ANKHD1: variants seen among roughly 807,000 people sequenced by gnomAD.
ANKHD1 encodes ankyrin repeat and KH domain containing 1, also known as ankyrin repeat and KH domain-containing protein 1.
ANKHD1 carries 31 observed loss-of-function variants against 230.5 expected under a neutral mutation model. The observed-to-expected ratio is 0.13, with a 90% CI of 0.10 to 0.18. The LOEUF (loss-of-function observed/expected upper bound fraction) is 0.18, where lower values mean the gene tolerates loss of function less well. Ranked by LOEUF, ANKHD1 falls within the 10% of genes least tolerant of loss-of-function variation. ANKHD1 has a pLI of 1.00. For missense variants in ANKHD1, 2,256 were observed against 3,071.3 expected (o/e 0.73, Z 6.27); for synonymous variants, 1,074 against 1,117.6 (o/e 0.96, Z 0.78).
chr5:140,456,569 C>T (rs1775209878), intron 7 of ANKHD1, among the ~76,000 whole-genome samples: 1 of 152,152 alleles, frequency 6.6e-6, no homozygotes, highest in African/African-American at 2.4e-5. Flanking sequence ...CATCTACAAC[C>T]ATCTGATCTT....
intron 15 of ANKHD1, among the ~76,000 whole-genome samples, chr5:140,502,480 C>G (rs1201297875): frequency 6.6e-6 from 1 of 152,150 alleles, no homozygotes; most frequent in Non-Finnish European, 1.5e-5. Context: ...TGGCATAGCA[C>G]TCTAATCAAC....
intron 14 of ANKHD1, among the ~76,000 whole-genome samples, chr5:140,493,637 G>C (rs1751904334): frequency 6.6e-6 from 1 of 152,110 alleles, no homozygotes; most frequent in Non-Finnish European, 1.5e-5. Context: ...TGATGTTATA[G>C]CTTGTGTTAG....
chr5:140,431,031 G>C (rs1246116064), intron 1 of ANKHD1, among the ~76,000 whole-genome samples: 2 of 152,042 alleles, frequency 1.3e-5, no homozygotes, highest in Non-Finnish European at 2.9e-5. Context: ...AGATTTGTTA[G>C]GTAAGATATT....
intron 10 of ANKHD1, among the ~76,000 whole-genome samples, chr5:140,477,482 C>T (rs1402368250): frequency 6.6e-6 from 1 of 152,102 alleles, no homozygotes; most frequent in Non-Finnish European, 1.5e-5. Flanking sequence ...TGTTTTAGGC[C>T]ACAGAGAAGT....
intron 1 of ANKHD1, among the ~76,000 whole-genome samples, chr5:140,426,968 T>C (rs1057371818): frequency 6.6e-6 from 1 of 152,012 alleles, no homozygotes; most frequent in Non-Finnish European, 1.5e-5. Flanking sequence ...TCCCCACCTT[T>C]CCCCCCTTTC....
intron 24 of ANKHD1, among the ~76,000 whole-genome samples, chr5:140,515,471 G>A (rs1051137469): frequency 2.0e-5 from 3 of 152,118 alleles, no homozygotes; most frequent in African/African-American, 4.8e-5. Flanking sequence ...CAAGGTGGCC[G>A]AATAGGAGCA....
intron 1 of ANKHD1, among the ~76,000 whole-genome samples, chr5:140,423,136 G>C (rs574335152): frequency 6.6e-6 from 1 of 152,168 alleles, no homozygotes; most frequent in African/African-American, 2.4e-5. Context: ...GGCCTTAAGT[G>C]ATCGTCCTGC....
At chr5:140,435,249 C>G (rs185739554) in intron 1 of ANKHD1, among the ~76,000 whole-genome samples, 23 of 152,138 alleles carry the variant, frequency 1.5e-4, no homozygotes, top group Admixed American at 9.8e-4. Flanking sequence ...GAAAACTTTT[C>G]TCTTAATGAC....
At chr5:140,491,090 G>GTATATATATATATATATA (rs1482029581) in intron 14 of ANKHD1, among the ~76,000 whole-genome samples, 13 of 96,590 alleles carry the variant, frequency 1.3e-4, no homozygotes, top group Middle Eastern at 5.7e-3. Context: ...ATGTGTGTGT[G>GTATATATATATATATATA]TGTATATATA....
chr5:140,457,038 A>G (rs184511901), intron 7 of ANKHD1, among the ~76,000 whole-genome samples: 8,670 of 152,194 alleles, frequency 0.057, 849 homozygotes, highest in African/African-American at 0.2. Context: ...CAAAAAGTGG[A>G]CAAAGGATAT....
chr5:140,472,261 C>A (rs568591806), intron 10 of ANKHD1: 2 of 1,613,236 alleles, frequency 1.2e-6, no homozygotes, highest in East Asian at 2.2e-5. Flanking sequence ...GACATGAAGA[C>A]TATTTTGGAG....
At position 140,510,031 on chromosome 5, in the gene ANKHD1, T is replaced by C. The variant is rs757919141; in HGVS notation, c.3954T>C (p.Ile1318=). Reference sequence around the variant, plus strand: ...GCCTTGTTTACAGGGGAGCCCACATTGATGTTCGTAACAAAAAGGGAAATA... The same window carrying C: ...GCCTTGTTTACAGGGGAGCCCACATCGATGTTCGTAACAAAAAGGGAAATA... The part of the protein sequence containing the change: ...CELLIHRGAH[I]DVRNKKGNTP... Residue 1318 remains isoleucine (I), a synonymous_variant, in exon 22 of 34, where the codon ATT becomes ATC. Transcript: ENST00000360839. The C allele has an allele frequency of 1.2e-6, 2 of 1,613,376 alleles. No individual in the cohort carries two copies. The highest frequency in any genetic ancestry group is 1.7e-6 in the Non-Finnish European group (2 of 1,179,474).
chr5:140,415,800 T>A (rs1009048021), intron 1 of ANKHD1, among the ~76,000 whole-genome samples: 2 of 152,148 alleles, frequency 1.3e-5, no homozygotes, highest in East Asian at 3.9e-4. Context: ...TTATTTATTT[T>A]ATTATACTTT....
Position 140,510,158 on chromosome 5 carries a change from C to T in ANKHD1, c.4081C>T (p.Pro1361Ser). The change falls in exon 22 of 34, where the codon CCT becomes TCT. Residue 1361 changes from proline to serine, a missense_variant. Physicochemically the swap from Pro to Ser is moderately conservative, Grantham distance 74 (BLOSUM62 -1). Coordinates refer to ENST00000360839, the MANE Select transcript of ANKHD1 (RefSeq NM_017747.3). Reference sequence around the variant, plus strand: ...TGCAGCAGATAACCGGAAAATCACACCTCTTATGTCAGCATTTCGCAAGGT... The same window carrying T: ...TGCAGCAGATAACCGGAAAATCACATCTCTTATGTCAGCATTTCGCAAGGT... The part of the protein sequence containing the change: ...VDAADNRKIT[P>S]LMSAFRKGHV... The T allele has an allele frequency of 6.2e-7, 1 of 1,607,644 alleles. No individual in the cohort carries two copies. The highest frequency in any genetic ancestry group is 1.1e-5 in the South Asian group (1 of 90,340).
chr5:140,526,830 C>T (rs1400644459), intron 26 of ANKHD1, 98 bp from the exon 27 acceptor site: 40 of 1,421,956 alleles, frequency 2.8e-5, no homozygotes, highest in Non-Finnish European at 3.4e-5. Flanking sequence ...AAGTTTAATA[C>T]GAATATTTCA....
Position 140,486,971 on chromosome 5 carries a change from C to T in ANKHD1, c.2156C>T (p.Pro719Leu). ...SQDQSQVPRVPTHTLAMVVPP... is the reference protein window; with the variant it reads ...SQDQSQVPRVLTHTLAMVVPP... ...TTGACTTTTTAGGTGCCACGTGTGC[C>T]AACGCATACACTTGCCATGGTTGTA... Residue 719 changes from proline (P) to leucine (L), a missense_variant, in exon 14 of 34, where the codon CCA becomes CTA. Pro to Leu is a moderately conservative substitution (Grantham distance 98). Around this residue, in one of 13 missense-constraint regions of ANKHD1, gnomAD observed 358 missense variants for 397.7 expected, o/e 0.90. Coordinates refer to ENST00000360839, the MANE Select transcript of ANKHD1 (RefSeq NM_017747.3). 1.2e-6 allele frequency: 2 copies of T among 1,610,870 alleles called. No individual in the cohort carries two copies. The highest frequency in any genetic ancestry group is 1.7e-6 in the Non-Finnish European group (2 of 1,177,966).
At chr5:140,418,729 A>G (rs546776770) in intron 1 of ANKHD1, among the ~76,000 whole-genome samples, 3 of 152,266 alleles carry the variant, frequency 2.0e-5, no homozygotes, top group Non-Finnish European at 4.4e-5. Context: ...GCAGGTATCA[A>G]TACTTTTTGT....
At chr5:140,433,263 G>A (rs891158671) in intron 1 of ANKHD1, among the ~76,000 whole-genome samples, 9 of 151,720 alleles carry the variant, frequency 5.9e-5, no homozygotes, top group Non-Finnish European at 1.0e-4. Context: ...ACAGGGTTTC[G>A]CCATGTTGGC....
chr5:140,482,641 G>A lies in ANKHD1; in HGVS notation c.1844G>A (p.Cys615Tyr), dbSNP rs1751334763. Residue 615 changes from cysteine (C) to tyrosine (Y), a missense_variant, in exon 11 of 34, where the codon TGC (cysteine) becomes TAC (tyrosine). Transcript: ENST00000360839. Reference protein sequence around the residue: ...LMKAARAGHLCTVQFLISKGA... With the variant: ...LMKAARAGHLYTVQFLISKGA... ...AAAGCTGCAAGAGCTGGTCATTTGT[G>A]CACTGTGCAGTTTCTTATTAGCAAA... is the stretch of plus-strand genomic sequence containing the variant. 6.2e-7 allele frequency: 1 copy of A among 1,612,936 alleles called. No homozygotes were observed. The highest frequency in any genetic ancestry group is 8.5e-7 in the Non-Finnish European group (1 of 1,179,526).
Sources: gnomAD v4.1 joint callset for allele counts (sites outside exome capture counted in the v4.1 genomes callset) on GRCh38, gnomAD v4.1.1 for gene constraint, gnomAD v4.1.1 regional missense constraint, MANE v1.5 for transcripts, NCBI Gene and HGNC (gene_info 2026-07-23, HGNC 2026-07-21) for gene names.